The following ZFHX3 variants were observed in gnomAD, a reference collection of about 807,000 sequenced individuals.
ZFHX3 encodes the protein zinc finger homeobox protein 3.
In ZFHX3, 42 loss-of-function variants were observed where a neutral mutation model predicts 279.1. That is an observed-to-expected ratio of 0.15 (90% CI 0.12 to 0.19). ZFHX3 has a LOEUF of 0.19. Among genes scored for constraint, ZFHX3 ranks in the 10% least tolerant of loss-of-function variants. The pLI is 1.00. For missense variants in ZFHX3, 4,981 were observed against 4,754.0 expected, an observed-to-expected ratio of 1.05 and a Z score of -1.40; for synonymous variants, 2,293 against 1,957.8, an observed-to-expected ratio of 1.17 and a Z score of -4.52.
chr16:72,877,951 T>C (rs902502596), intron 4 of ZFHX3, among the ~76,000 whole-genome samples: 1 of 152,058 alleles, frequency 6.6e-6, no homozygotes, highest in Non-Finnish European at 1.5e-5. Context: ...AGTCACAACT[T>C]TGGGAGGCTG....
intron 4 of ZFHX3, among the ~76,000 whole-genome samples, chr16:72,875,077 A>G (rs886326282): frequency 1.3e-5 from 2 of 152,188 alleles, no homozygotes; most frequent in African/African-American, 2.4e-5. Context: ...ACAGAGAATG[A>G]TATGGGCCAG....
At chr16:73,253,641 G>C (rs1206982531) in intron 5 of ZFHX3, among the ~76,000 whole-genome samples, 1 of 151,650 alleles carries the variant, frequency 6.6e-6, no homozygotes, top group Non-Finnish European at 1.5e-5. Flanking sequence ...ATTTTTAGTA[G>C]AGAAGGGGTT....
chr16:73,558,989 A>G (rs1022565161), intron 2 of ZFHX3, among the ~76,000 whole-genome samples: 1 of 151,984 alleles, frequency 6.6e-6, no homozygotes, highest in African/African-American at 2.4e-5. Flanking sequence ...TGCTAGGATT[A>G]CAGGCATGAG....
At chr16:73,014,302 ATTTTTTT>A (rs111944167) in intron 1 of ZFHX3, 2 of 140,880 alleles carry the variant, frequency 1.4e-5, no homozygotes, top group African/African-American at 5.2e-5. Context: ...GGTTTTTTGC[ATTTTTTT>A]TTTTTTTTGG....
At chr16:73,351,927 A>G (rs2016249444) in intron 3 of ZFHX3, among the ~76,000 whole-genome samples, 1 of 152,194 alleles carries the variant, frequency 6.6e-6, no homozygotes, top group Non-Finnish European at 1.5e-5. Flanking sequence ...AAGTATCTAA[A>G]TGTCAATGGG....
chr16:73,407,856 C>T (rs1005914744), intron 3 of ZFHX3, among the ~76,000 whole-genome samples: 2 of 152,214 alleles, frequency 1.3e-5, no homozygotes, highest in Non-Finnish European at 2.9e-5. Flanking sequence ...TGCAAATGGT[C>T]TTCCACTGCC....
At chr16:72,803,646 C>T (rs1050101172) in intron 7 of ZFHX3, among the ~76,000 whole-genome samples, 1 of 152,190 alleles carries the variant, frequency 6.6e-6, no homozygotes, top group Non-Finnish European at 1.5e-5. Flanking sequence ...GGCCAGGTGA[C>T]AGTACAAATC....
chr16:73,040,326 C>G (rs1214865823), intron 1 of ZFHX3, among the ~76,000 whole-genome samples: 1 of 151,806 alleles, frequency 6.6e-6, no homozygotes, highest in South Asian at 2.1e-4. Flanking sequence ...ACAGCCCAGC[C>G]AGGCTGGGAG....
intron 7 of ZFHX3, among the ~76,000 whole-genome samples, chr16:73,115,962 A>T (rs769120698): frequency 6.6e-6 from 1 of 152,098 alleles, no homozygotes; most frequent in Non-Finnish European, 1.5e-5. Flanking sequence ...TCTCTGTTAA[A>T]ATACAAAATT....
At chr16:73,278,104 A>G (rs544207189) in intron 4 of ZFHX3, among the ~76,000 whole-genome samples, 105 of 152,260 alleles carry the variant, frequency 6.9e-4, no homozygotes, top group African/African-American at 2.4e-3. Context: ...AGTCTATTTA[A>G]ATGTTTGTGT....
At chr16:73,738,604 G>C (rs775530025) in intron 1 of ZFHX3, among the ~76,000 whole-genome samples, 2 of 152,202 alleles carry the variant, frequency 1.3e-5, no homozygotes, top group African/African-American at 2.4e-5. Flanking sequence ...CAAAGACTAG[G>C]ATATTCTTTT....
At chr16:73,659,541 T>C (rs1235729001) in intron 2 of ZFHX3, among the ~76,000 whole-genome samples, 1 of 152,094 alleles carries the variant, frequency 6.6e-6, no homozygotes, top group Non-Finnish European at 1.5e-5. Context: ...TCACAATGTC[T>C]TAATGTCCCT....
intron 3 of ZFHX3, among the ~76,000 whole-genome samples, chr16:72,911,342 T>C (rs577769345): frequency 2.1e-4 from 32 of 152,272 alleles, no homozygotes; most frequent in East Asian, 7.7e-4. Context: ...CAGGAAGTAA[T>C]TGAGGGAAAA....
chr16:73,070,934 GCGCGCACACACACACACACA>G (rs1295267559), intron 8 of ZFHX3, among the ~76,000 whole-genome samples: 18 of 69,274 alleles, frequency 2.6e-4, no homozygotes, highest in African/African-American at 7.4e-4. Flanking sequence ...GCGCGCGCGC[GCGCGCACACACACACACACA>G]CACACACACA....
intron 3 of ZFHX3, among the ~76,000 whole-genome samples, chr16:73,398,774 T>C (rs940328776): frequency 6.6e-6 from 1 of 152,222 alleles, no homozygotes; most frequent in African/African-American, 2.4e-5. Flanking sequence ...CATGATCCCA[T>C]TGTCTGGGAA....
intron 2 of ZFHX3, among the ~76,000 whole-genome samples, chr16:73,493,338 T>C (rs1213068547): frequency 1.3e-5 from 2 of 152,234 alleles, no homozygotes; most frequent in African/African-American, 4.8e-5. Context: ...TTCTTTTTTT[T>C]CCAGAAACTT....
intron 1 of ZFHX3, among the ~76,000 whole-genome samples, chr16:73,862,604 A>C (rs1375136082): frequency 6.6e-6 from 1 of 151,876 alleles, no homozygotes; most frequent in Non-Finnish European, 1.5e-5. Context: ...GTAAGACCCC[A>C]TCTCCACAAA....
chr16:73,689,857 C>T (rs1400051943), intron 1 of ZFHX3, among the ~76,000 whole-genome samples: 1 of 150,724 alleles, frequency 6.6e-6, no homozygotes, highest in African/African-American at 2.4e-5. Flanking sequence ...TGGAGTCTCG[C>T]TCTGTCGCCC....
At chr16:72,799,397 T>C (rs565992034) in intron 8 of ZFHX3, among the ~76,000 whole-genome samples, 2 of 152,080 alleles carry the variant, frequency 1.3e-5, no homozygotes, top group Non-Finnish European at 2.9e-5. Flanking sequence ...GTCCATTGTC[T>C]AATATGGAAA....
Sources: gnomAD v4.1 joint callset for allele counts (sites outside exome capture counted in the v4.1 genomes callset) on GRCh38, gnomAD v4.1.1 for gene constraint, MANE v1.5 for transcripts, NCBI Gene and HGNC (gene_info 2026-07-23, HGNC 2026-07-21) for gene names.